Variants in CENPE observed in about 807,000 individuals in gnomAD.
CENPE encodes the protein centromere protein E.
CENPE carries 145 observed loss-of-function variants against 336.1 expected under a neutral mutation model. The ratio of observed to expected loss-of-function variants is 0.43; its 90% CI spans 0.38 to 0.50. The LOEUF (loss-of-function observed/expected upper bound fraction) is 0.50. Among genes scored for constraint, CENPE ranks in the 20% least tolerant of loss-of-function variants. CENPE has a pLI of 0.00. For synonymous variants in CENPE, 1,013 were observed against 984.8 expected (o/e 1.03, Z -0.54); for missense variants, 2,719 against 3,023.3 (o/e 0.90, Z 2.36).
chr4:103,119,079 CAT>C (rs771259134), intron 44 of CENPE, among the ~76,000 whole-genome samples: 7 of 152,282 alleles, frequency 4.6e-5, no homozygotes, highest in Non-Finnish European at 8.8e-5. Context: ...TCTTCCCACA[CAT>C]GTCCACTTTC....
At chr4:103,109,986 A>C (rs1223239642) in intron 47 of CENPE, among the ~76,000 whole-genome samples, 1 of 152,128 alleles carries the variant, frequency 6.6e-6, no homozygotes, top group Non-Finnish European at 1.5e-5. Context: ...AGTCCCACCA[A>C]TTAGTTATTC....
rs1432151379 is a variant in CENPE, at chr4:103,198,245, C to T, written c.56+19G>A. 2 of 1,549,230 alleles carry T rather than the reference C, an allele frequency of 1.3e-6. No individual in the cohort carries two copies. Among genetic ancestry groups the T allele is most frequent in the East Asian group, 2.4e-5 (1 of 40,896 alleles). ...GCCGCAGGCCCAGCGGGCACCGGGC[C>T]GTGGTGTGGCCCCCCTACCTGCTGT... On this transcript the variant is annotated intron_variant, in intron 1 of 48. Coordinates refer to ENST00000265148, the MANE Select transcript of CENPE (RefSeq NM_001813.3).
chr4:103,184,769 C>T (rs1399395942), intron 9 of CENPE, among the ~76,000 whole-genome samples: 1 of 151,914 alleles, frequency 6.6e-6, no homozygotes, highest in Non-Finnish European at 1.5e-5. Flanking sequence ...ATCTTAAATT[C>T]CACTTTCTGC....
intron 8 of CENPE, among the ~76,000 whole-genome samples, chr4:103,190,373 T>C (rs531561857): frequency 1.5e-3 from 226 of 152,244 alleles, no homozygotes; most frequent in African/African-American, 5.2e-3. Context: ...GGAGGCATCA[T>C]GCTACCTGAC....
chr4:103,145,769 T>C lies in CENPE; in HGVS notation c.4413+60A>G, dbSNP rs1307150013. ...AACTCCCCTTTCCAAATATTTAGGG[T>C]TTATAATAATATTTGGTTACAAAAT... On this transcript the variant is annotated intron_variant, in intron 30 of 48. Coordinates refer to ENST00000265148, the MANE Select transcript of CENPE (RefSeq NM_001813.3). The C allele has an allele frequency of 2.6e-6, 4 of 1,526,154 alleles. No individual in the cohort carries two copies. The East Asian group carries it at 9.1e-5, about 35-fold the overall frequency. 94.5% of individuals were successfully genotyped at this position (1,526,154 alleles called of 1,614,324 possible). A position where few individuals can be genotyped will look rare whatever the true frequency, so the allele number is the denominator to read the frequency against.
intron 42 of CENPE, among the ~76,000 whole-genome samples, chr4:103,125,997 G>A (rs945020995): frequency 1.1e-4 from 16 of 152,038 alleles, no homozygotes; most frequent in Non-Finnish European, 1.8e-4. Context: ...CCAAACTGGA[G>A]AGGCAGAGAG....
Position 103,144,915 on chromosome 4 carries a change from A to G in CENPE, c.4857+135T>C, listed in dbSNP as rs944158091. The G allele has an allele frequency of 8.2e-6, 6 of 731,580 alleles. No homozygotes were observed. The Admixed American group carries it at 1.4e-4, about 17-fold the overall frequency. 45.3% of individuals were successfully genotyped at this position (731,580 alleles called of 1,614,324 possible). A position where few individuals can be genotyped will look rare whatever the true frequency, so the allele number is the denominator to read the frequency against. On this transcript the variant is annotated intron_variant, in intron 32 of 48. Coordinates refer to ENST00000265148, the MANE Select transcript of CENPE (RefSeq NM_001813.3). ...TACTGGTACTCAGTTGAATATAAGC[A>G]GTTTTTGATTCCTCTTTTATTTCCG...
In CENPE at chr4:103,161,350, C is replaced by T; in HGVS notation, c.1950G>A (p.Glu650=). ...AAATACTTACCATTTTCTCCTTCAG[C>T]TCCAGATTTTCACTTCTAAGAAAGG... ...ESAFLRSENL[E]LKEKMKELAT... The change falls in exon 19 of 49, where the codon GAG becomes GAA. Residue 650 remains glutamate (E), a synonymous_variant. Coordinates refer to ENST00000265148, the MANE Select transcript of CENPE (RefSeq NM_001813.3). 2 of 1,611,086 alleles carry T rather than the reference C, an allele frequency of 1.2e-6. No homozygotes were observed. The highest frequency in any genetic ancestry group is 1.7e-6 in the Non-Finnish European group (2 of 1,178,788).
Position 103,176,997 on chromosome 4 carries a change from A to T in CENPE, c.1292T>A (p.Met431Lys). 6.2e-7 allele frequency: 1 copy of T among 1,607,988 alleles called. No homozygotes were observed. ...TTGATCTGCATAGTTTGAGTTCTTC[A>T]TTTTGTTAATTTTGCCAAGGCACCA... ...VTWCLGKINK[M>K]KNSNYADQFN... Residue 431 changes from methionine to lysine, a missense_variant, in exon 14 of 49, where the codon ATG becomes AAG. Coordinates refer to ENST00000265148, the MANE Select transcript of CENPE (RefSeq NM_001813.3).
intron 16 of CENPE, among the ~76,000 whole-genome samples, chr4:103,166,349 A>T (rs1046126366): frequency 1.3e-5 from 2 of 152,046 alleles, no homozygotes; most frequent in Non-Finnish European, 2.9e-5. Context: ...AGGCAATTTC[A>T]CTCTAGAGAC....
chr4:103,148,373 T>C (rs566372766), intron 28 of CENPE, among the ~76,000 whole-genome samples: 27 of 152,340 alleles, frequency 1.8e-4, no homozygotes, highest in Non-Finnish European at 3.4e-4. Context: ...TCTCTTTCCA[T>C]GATAAATTAG....
intron 11 of CENPE, 32 bp from the exon 12 acceptor site, chr4:103,181,488 C>T: frequency 6.6e-7 from 1 of 1,518,740 alleles, no homozygotes; most frequent in South Asian, 1.3e-5. Context: ...GCTAAGTGTT[C>T]AACACTTAAA....
intron 45 of CENPE, among the ~76,000 whole-genome samples, chr4:103,115,800 G>T (rs578256597): frequency 2.0e-5 from 3 of 148,284 alleles, no homozygotes; most frequent in African/African-American, 7.5e-5. Flanking sequence ...GTGCGATCTC[G>T]GCTCACTGCA....
intron 42 of CENPE, among the ~76,000 whole-genome samples, chr4:103,128,638 C>T (rs1462842858): frequency 6.6e-6 from 1 of 151,938 alleles, no homozygotes; most frequent in Non-Finnish European, 1.5e-5. Context: ...ATACGGGTCA[C>T]AGGAGAAATA....
chr4:103,176,737 T>A (rs1188089718), intron 14 of CENPE, among the ~76,000 whole-genome samples, 162 bp downstream of exon 14: 16 of 152,138 alleles, frequency 1.1e-4, no homozygotes, highest in Admixed American at 8.5e-4. Context: ...TTTTTTTGTA[T>A]TTTTAGAATT....
chr4:103,161,374 G>A lies in CENPE; in HGVS notation c.1926C>T (p.Ala642=). 1 of 1,612,048 alleles carries A rather than the reference G, an allele frequency of 6.2e-7. No individual in the cohort carries two copies. The highest frequency in any genetic ancestry group is 8.5e-7 in the Non-Finnish European group (1 of 1,179,162). ...TVALDAKRES[A]FLRSENLELK... ...GCTCCAGATTTTCACTTCTAAGAAAGGCTGATTCTCTCTTGGCATCAAGGG... is the reference window on the plus strand; with the variant it reads ...GCTCCAGATTTTCACTTCTAAGAAAAGCTGATTCTCTCTTGGCATCAAGGG... The change falls in exon 19 of 49, where the codon GCC becomes GCT. Residue 642 remains alanine (A), a synonymous_variant. Coordinates refer to ENST00000265148, the MANE Select transcript of CENPE (RefSeq NM_001813.3).
At chr4:103,194,897 C>T (rs1212662972) in intron 5 of CENPE, among the ~76,000 whole-genome samples, 1 of 151,984 alleles carries the variant, frequency 6.6e-6, no homozygotes, top group African/African-American at 2.4e-5. Context: ...ATACTTCCAA[C>T]TTGCTATTTT....
intron 39 of CENPE, 34 bp downstream of exon 39, chr4:103,138,317 A>G (rs1487979327): frequency 9.2e-6 from 13 of 1,412,848 alleles, no homozygotes; most frequent in Admixed American, 1.7e-5. Context: ...AAGACAACCA[A>G]TAATCATTTG....
At chr4:103,120,014 T>C in intron 44 of CENPE, 134 bp downstream of exon 44, 1 of 586,244 alleles carries the variant, frequency 1.7e-6, no homozygotes, top group Non-Finnish European at 3.0e-6. Flanking sequence ...TCTGCTTGAG[T>C]ACTGAACTTC....
Sources: gnomAD v4.1 joint callset for allele counts (sites outside exome capture counted in the v4.1 genomes callset) on GRCh38, gnomAD v4.1.1 for gene constraint, MANE v1.5 for transcripts, NCBI Gene and HGNC (gene_info 2026-07-23, HGNC 2026-07-21) for gene names.